Variants in KLRG1 observed in about 807,000 individuals in gnomAD.
The protein encoded by KLRG1 is killer cell lectin-like receptor subfamily G member 1.
KLRG1 carries 16 observed loss-of-function variants against 21.8 expected under a neutral mutation model. The ratio of observed to expected loss-of-function variants is 0.73; its 90% CI spans 0.50 to 1.11. KLRG1 has a LOEUF of 1.11. Ranked by LOEUF, KLRG1 falls within the 50% of genes most tolerant of loss-of-function variation. The pLI, the probability that KLRG1 is intolerant of heterozygous loss-of-function variation, is 0.00. For missense variants in KLRG1, 173 were observed against 218.3 expected (o/e 0.79, Z 1.31); for synonymous variants, 69 against 75.9 (o/e 0.91, Z 0.47).
chr12:9,009,954 C>G lies in KLRG1; in HGVS notation c.*417C>G. On this transcript the variant is annotated 3_prime_UTR_variant, in exon 5 of 5. Coordinates refer to ENST00000356986, the MANE Select transcript of KLRG1 (RefSeq NM_005810.4). The stretch of plus-strand genomic sequence containing the variant: ...AGAGAAGTACATTATTGCTGTACTC[C>G]TCTGTACATTACTGATCCCTGATGG... 6.6e-7 allele frequency: 1 copy of G among 1,526,280 alleles called. No individual in the cohort carries two copies. Among genetic ancestry groups the G allele is most frequent in the Non-Finnish European group, 8.8e-7 (1 of 1,138,908 alleles). The allele number at this position is 1,526,280 out of a possible 1,614,324, so 94.5% of individuals were successfully genotyped here.
the KLRG1 span, among the ~76,000 whole-genome samples, chr12:9,200,082 T>G: frequency 6.6e-6 from 1 of 152,326 alleles, no homozygotes; most frequent in African/African-American, 2.4e-5. Context: ...TACTACTGCA[T>G]GTACAGAAAA....
At chr12:9,202,340 AT>A in the KLRG1 span, 8 of 1,614,018 alleles carry the variant, frequency 5.0e-6, no homozygotes, top group Non-Finnish European at 6.8e-6. Context: ...GAGGGCGAAA[AT>A]TTTCATCCAC....
chr12:9,201,366 GAA>G, the KLRG1 span: 1 of 1,547,160 alleles, frequency 6.5e-7, no homozygotes, highest in Non-Finnish European at 8.9e-7. Context: ...TAAAAGGAAA[GAA>G]GAGATGTGAT....
At chr12:9,152,592 T>C in the KLRG1 span, among the ~76,000 whole-genome samples, 30 of 152,348 alleles carry the variant, frequency 2.0e-4, no homozygotes, top group African/African-American at 7.0e-4. Context: ...AACATATCTA[T>C]GGTTTTTGCA....
chr12:9,025,257 A>G, the KLRG1 span, among the ~76,000 whole-genome samples: 2 of 152,346 alleles, frequency 1.3e-5, no homozygotes, highest in South Asian at 4.1e-4. Context: ...TGTCGGGTCA[A>G]TAGATCTTAA....
At chr12:9,148,774 G>T in the KLRG1 span, 1 of 512,712 alleles carries the variant, frequency 2.0e-6, no homozygotes, top group South Asian at 3.3e-5. Context: ...AAATTAAACA[G>T]AAAGAATATA....
At chr12:9,169,730 G>C in the KLRG1 span, 4 of 748,426 alleles carry the variant, frequency 5.3e-6, no homozygotes, top group Non-Finnish European at 7.7e-6. Context: ...GATAGTTGAA[G>C]ATTTTCCTTA....
At chr12:9,124,336 G>A in the KLRG1 span, among the ~76,000 whole-genome samples, 1 of 152,190 alleles carries the variant, frequency 6.6e-6, no homozygotes, top group Non-Finnish European at 1.5e-5. Flanking sequence ...TGCCGCTGCA[G>A]CTGCCCAAAC....
chr12:9,124,463 T>A, the KLRG1 span, among the ~76,000 whole-genome samples: 9 of 152,268 alleles, frequency 5.9e-5, no homozygotes, highest in Admixed American at 2.0e-4. Flanking sequence ...AGGCAAGATC[T>A]ACACTCCCCG....
intron 1 of KLRG1, among the ~76,000 whole-genome samples, chr12:8,954,702 T>C (rs745580047): frequency 2.0e-5 from 3 of 152,250 alleles, no homozygotes; most frequent in Non-Finnish European, 4.4e-5. Flanking sequence ...CAGACAGAGC[T>C]AGGAAATTGT....
the KLRG1 span, chr12:9,106,250 G>T: frequency 6.2e-7 from 1 of 1,609,706 alleles, no homozygotes; most frequent in Non-Finnish European, 8.5e-7. Flanking sequence ...CCAAAGAAGG[G>T]AATTCCCTGT....
the KLRG1 span, chr12:9,074,467 T>C: frequency 8.3e-7 from 1 of 1,208,544 alleles, no homozygotes; most frequent in Admixed American, 2.4e-5. Flanking sequence ...TACTGTCATC[T>C]GTATTTTTTT....
In KLRG1 at chr12:8,973,339, G is replaced by A. The variant is rs77334917; in HGVS notation, c.-155-18867G>A. Among the ~76,000 whole-genome samples, 294 of 152,172 alleles carry A rather than the reference G, an allele frequency of 1.9e-3. 7 individuals carry two copies. In the East Asian group the frequency reaches 0.046, roughly 24 times the overall value. On this transcript the variant is annotated intron_variant, in intron 1 of 4. Transcript: ENST00000539240. ...GATGTGGGACCTTTAGGAGGTGAAT[G>A]TGGGAACTTTAGGAGGTGATTGGGT...
At chr12:9,182,048 AAG>A in the KLRG1 span, 1 of 1,613,906 alleles carries the variant, frequency 6.2e-7, no homozygotes, top group Non-Finnish European at 8.5e-7. Flanking sequence ...TAAAATGGCA[AAG>A]ATGAACATTC....
chr12:9,060,171 A>AT, the KLRG1 span, among the ~76,000 whole-genome samples: 6 of 150,952 alleles, frequency 4.0e-5, no homozygotes, highest in Non-Finnish European at 8.8e-5. Flanking sequence ...CATCCGGCTA[A>AT]TTTTTTGTAT....
the KLRG1 span, among the ~76,000 whole-genome samples, chr12:9,147,941 A>G: frequency 6.6e-6 from 1 of 151,792 alleles, no homozygotes; most frequent in Non-Finnish European, 1.5e-5. Context: ...CTCCCACACT[A>G]CATTTATCCC....
At chr12:9,174,367 A>G in the KLRG1 span, among the ~76,000 whole-genome samples, 1 of 152,202 alleles carries the variant, frequency 6.6e-6, no homozygotes, top group African/African-American at 2.4e-5. Flanking sequence ...CCAATATCAT[A>G]CTGAATGGGA....
chr12:9,214,645 A>G, the KLRG1 span, among the ~76,000 whole-genome samples: 1 of 151,956 alleles, frequency 6.6e-6, no homozygotes, highest in Non-Finnish European at 1.5e-5. Context: ...TGCTTAACAA[A>G]GGTTATGAGA....
chr12:9,009,067 C>T lies in KLRG1; in HGVS notation c.450C>T (p.Asn150=), dbSNP rs773806780. The T allele has an allele frequency of 1.9e-6, 3 of 1,611,392 alleles. No homozygotes were observed. Among genetic ancestry groups the T allele is most frequent in the Non-Finnish European group, 1.7e-6 (2 of 1,178,292 alleles). ...GGTGGGAAGATGGATCACCTCTAAA[C>T]TTCTCAAGGTAAGGGGCTTCAAAGG... is the stretch of plus-strand genomic sequence containing the variant. ...GWRWEDGSPL[N]FSRISSNSFV... The change falls in exon 4 of 5, where the codon AAC becomes AAT. Residue 150 remains asparagine, a synonymous_variant. Transcript: ENST00000356986.
Sources: gnomAD v4.1 joint callset for allele counts (sites outside exome capture counted in the v4.1 genomes callset) on GRCh38, gnomAD v4.1.1 for gene constraint, MANE v1.5 for transcripts, NCBI Gene and HGNC (gene_info 2026-07-23, HGNC 2026-07-21) for gene names.